Variants in TUBB3 observed in about 807,000 individuals in gnomAD.
TUBB3 encodes the protein tubulin beta-3 chain.
Under a neutral mutation model 37.8 loss-of-function variants are expected in TUBB3, and 17 were observed. The ratio of observed to expected loss-of-function variants is 0.45; its 90% CI spans 0.31 to 0.67. The LOEUF (loss-of-function observed/expected upper bound fraction) is 0.67. Among genes scored for constraint, TUBB3 ranks in the 30% least tolerant of loss-of-function variants. TUBB3 has a pLI of 0.07. For synonymous variants in TUBB3, 332 were observed against 278.9 expected, an observed-to-expected ratio of 1.19 and a Z score of -1.90; for missense variants, 262 against 657.9, an observed-to-expected ratio of 0.40 and a Z score of 6.58.
intron 2 of TUBB3, chr16:89,932,945 G>C: frequency 1.8e-6 from 1 of 544,914 alleles, no homozygotes; most frequent in South Asian, 2.0e-5. Flanking sequence ...GACAGGGATG[G>C]GGCAGGCCAG....
At chr16:89,932,735 TCTGA>T in intron 2 of TUBB3, 56 bp downstream of exon 2, 2 of 1,433,366 alleles carry the variant, frequency 1.4e-6, no homozygotes, top group Non-Finnish European at 1.9e-6. Context: ...GGTCTCAGCG[TCTGA>T]CTGACCAGGT....
At chr16:89,930,170 T>C (rs769561744) in intron 1 of TUBB3, among the ~76,000 whole-genome samples, 6 of 151,356 alleles carry the variant, frequency 4.0e-5, no homozygotes, top group Non-Finnish European at 7.4e-5. Flanking sequence ...AGTGGCGCGA[T>C]CTCGACTCAC....
At position 89,935,555 on chromosome 16, in the gene TUBB3, C is replaced by T. The variant is rs757440841; in HGVS notation, c.1104C>T (p.Ile368=). 2.0e-5 allele frequency: 32 copies of T among 1,614,002 alleles called. No individual in the cohort carries two copies. The highest frequency in any genetic ancestry group is 5.0e-5 in the Admixed American group (3 of 60,006). The change falls in exon 4 of 4, where the codon ATC becomes ATT. Residue 368 remains isoleucine, a synonymous_variant. Transcript: ENST00000315491. ...PRGLKMSSTF[I]GNSTAIQELF... ...GCCTCAAGATGTCCTCCACCTTCATCGGGAACAGCACGGCCATCCAGGAGC... is the reference window on the plus strand; with the variant it reads ...GCCTCAAGATGTCCTCCACCTTCATTGGGAACAGCACGGCCATCCAGGAGC...
chr16:89,935,069 G>A lies in TUBB3; in HGVS notation c.618G>A (p.Ala206=), dbSNP rs370194126. ...AGACCTACTGCATCGACAACGAGGC[G>A]CTCTACGACATCTGCTTCCGCACCC... is the stretch of plus-strand genomic sequence containing the variant. The part of the protein sequence containing the change: ...TDETYCIDNE[A]LYDICFRTLK... The change falls in exon 4 of 4, where the codon GCG becomes GCA. Residue 206 remains alanine (A), a synonymous_variant. Coordinates refer to ENST00000315491, the MANE Select transcript of TUBB3 (RefSeq NM_006086.4). 15 of 1,614,148 alleles carry A rather than the reference G, an allele frequency of 9.3e-6. No homozygotes were observed. The highest frequency in any genetic ancestry group is 7.7e-5 in the South Asian group (7 of 91,082).
Position 89,935,780 on chromosome 16 carries a change from G to T in TUBB3, c.1329G>T (p.Glu443Asp). 1 of 1,613,634 alleles carries T rather than the reference G, an allele frequency of 6.2e-7. No individual in the cohort carries two copies. The highest frequency in any genetic ancestry group is 1.1e-5 in the South Asian group (1 of 91,080). Residue 443 changes from glutamate to aspartate, a missense_variant, in exon 4 of 4, where the codon GAG becomes GAT. By Grantham distance (45) the Glu-to-Asp change is conservative. This residue lies in a region of TUBB3 where 39 missense variants were observed against 26.9 expected (regional missense o/e 1.45). Transcript: ENST00000315491. The part of the protein sequence containing the change: ...EGEMYEDDEE[E>D]SEAQGPK ...AGATGTACGAAGACGACGAGGAGGA[G>T]TCGGAGGCCCAGGGCCCCAAGTGAA...
At chr16:89,929,100 T>A (rs1380856319) in intron 1 of TUBB3, among the ~76,000 whole-genome samples, 2 of 151,536 alleles carry the variant, frequency 1.3e-5, no homozygotes, top group Non-Finnish European at 2.9e-5. Context: ...ACAACTGAAA[T>A]TACAGGTGCG....
intron 3 of TUBB3, 112 bp downstream of exon 3, chr16:89,933,690 C>T (rs776917531): frequency 1.1e-6 from 1 of 873,912 alleles, no homozygotes; most frequent in South Asian, 1.3e-5. Flanking sequence ...TCACATGATC[C>T]TGAATGGTGG....
upstream of TUBB3, chr16:89,922,558 A>G (rs900562957): frequency 6.7e-6 from 1 of 148,908 alleles, no homozygotes; most frequent in Non-Finnish European, 1.5e-5. Flanking sequence ...ACCCTCCCCC[A>G]CCCTGGCCGG....
rs1237423262 is a variant in TUBB3, at chr16:89,923,420, A to G, written c.19A>G (p.Ile7Val). ...GCCCAGTATGAGGGAGATCGTGCAC[A>G]TCCAGGCCGGCCAGTGCGGCAACCA... MREIVH[I>V]QAGQCGNQIG... Residue 7 changes from isoleucine (I) to valine (V), a missense_variant, in exon 1 of 4, where the codon ATC becomes GTC. Physicochemically the swap from Ile to Val is conservative, Grantham distance 29. Around this residue, in one of 3 missense-constraint regions of TUBB3, gnomAD observed 58 missense variants for 74.2 expected, o/e 0.78. Coordinates refer to ENST00000315491, the MANE Select transcript of TUBB3 (RefSeq NM_006086.4). The G allele has an allele frequency of 2.0e-6, 3 of 1,512,252 alleles. No homozygotes were observed. The highest frequency in any genetic ancestry group is 2.7e-6 in the Non-Finnish European group (3 of 1,129,902). 93.7% of individuals were successfully genotyped at this position (1,512,252 alleles called of 1,614,324 possible).
At chr16:89,927,362 G>C (rs1487181706) in intron 1 of TUBB3, among the ~76,000 whole-genome samples, 1 of 151,436 alleles carries the variant, frequency 6.6e-6, no homozygotes, top group East Asian at 1.9e-4. Context: ...TCTAGCCTGG[G>C]CAATAGAGCA....
chr16:89,933,854 G>T (rs1331530351), intron 3 of TUBB3: 5 of 690,884 alleles, frequency 7.2e-6, no homozygotes, highest in Non-Finnish European at 1.3e-5. Flanking sequence ...ACAGAACGGG[G>T]CCTCCAGAGG....
chr16:89,923,773 G>T (rs963584440), intron 1 of TUBB3, among the ~76,000 whole-genome samples: 2 of 152,166 alleles, frequency 1.3e-5, no homozygotes, highest in Non-Finnish European at 2.9e-5. Context: ...GCAGCTGGGA[G>T]CCCTGTCTGG....
At chr16:89,927,114 C>G (rs1189800930) in intron 1 of TUBB3, among the ~76,000 whole-genome samples, 1 of 151,976 alleles carries the variant, frequency 6.6e-6, no homozygotes, top group African/African-American at 2.4e-5. Flanking sequence ...GTGGCTCACA[C>G]CTGTAATCCC....
chr16:89,925,681 T>A (rs2144402929), intron 1 of TUBB3, among the ~76,000 whole-genome samples: 1 of 151,716 alleles, frequency 6.6e-6, no homozygotes, highest in African/African-American at 2.4e-5. Flanking sequence ...CAAGAGCGTG[T>A]TCCTTTGCTC....
chr16:89,923,393 G>T lies in TUBB3; in HGVS notation c.-9G>T. The T allele has an allele frequency of 2.0e-6, 3 of 1,482,702 alleles. No individual in the cohort carries two copies. The highest frequency in any genetic ancestry group is 2.7e-6 in the Non-Finnish European group (3 of 1,114,208). 91.8% of individuals were successfully genotyped at this position (1,482,702 alleles called of 1,614,324 possible). A position where few individuals can be genotyped will look rare whatever the true frequency, so the allele number is the denominator to read the frequency against. On this transcript the variant is annotated 5_prime_UTR_variant, in exon 1 of 4. Transcript: ENST00000315491. ...GCCCGTCCGCAGCCGCCCGCCAGAC[G>T]CGCCCAGTATGAGGGAGATCGTGCA...
At chr16:89,932,877 C>G (rs558602973) in intron 2 of TUBB3, 198 bp downstream of exon 2, 8 of 621,818 alleles carry the variant, frequency 1.3e-5, no homozygotes, top group Non-Finnish European at 1.7e-5. Flanking sequence ...ATCACAGTCA[C>G]AAAAGTGAGA....
At position 89,928,327 on chromosome 16, in the gene TUBB3, A is replaced by G. The variant is rs114784554; in HGVS notation, c.58-4244A>G. Among the ~76,000 whole-genome samples, 198 of 151,636 alleles carry G rather than the reference A, an allele frequency of 1.3e-3. 1 individual carries two copies. The highest frequency in any genetic ancestry group is 4.7e-3 in the African/African-American group (193 of 41,304). ...TCTCTTGGCCTCCCAAACTGCTGGGATTATAAATATGAGCCACCATGGCCA... is the reference window on the plus strand; with the variant it reads ...TCTCTTGGCCTCCCAAACTGCTGGGGTTATAAATATGAGCCACCATGGCCA... On this transcript the variant is annotated intron_variant, in intron 1 of 3. Coordinates refer to ENST00000315491, the MANE Select transcript of TUBB3 (RefSeq NM_006086.4).
intron 1 of TUBB3, among the ~76,000 whole-genome samples, chr16:89,927,991 G>C (rs967276293): frequency 1.3e-5 from 2 of 152,226 alleles, no homozygotes; most frequent in East Asian, 3.8e-4. Context: ...ATTAATGGGG[G>C]ATCCTCAAAG....
At chr16:89,930,968 C>T (rs1381962173) in intron 1 of TUBB3, among the ~76,000 whole-genome samples, 3 of 152,058 alleles carry the variant, frequency 2.0e-5, no homozygotes, top group Non-Finnish European at 4.4e-5. Flanking sequence ...GCTGGGACTA[C>T]AGGCACCCGC....
Sources: gnomAD v4.1 joint callset for allele counts (sites outside exome capture counted in the v4.1 genomes callset) on GRCh38, gnomAD v4.1.1 for gene constraint, gnomAD v4.1.1 regional missense constraint, MANE v1.5 for transcripts, NCBI Gene and HGNC (gene_info 2026-07-23, HGNC 2026-07-21) for gene names.